CDC14B: variants seen among roughly 807,000 people sequenced by gnomAD.
The protein encoded by CDC14B is cell division cycle 14B.
In CDC14B, 22 loss-of-function variants were observed where a neutral mutation model predicts 64.2. That is an observed-to-expected ratio of 0.34 (90% confidence interval 0.24 to 0.49). The LOEUF (loss-of-function observed/expected upper bound fraction) is 0.49, where lower values mean the gene tolerates loss of function less well. Ranked by LOEUF, CDC14B falls within the 20% of genes least tolerant of loss-of-function variation. CDC14B has a pLI of 0.99. For synonymous variants in CDC14B, 191 were observed against 215.8 expected, an observed-to-expected ratio of 0.89 and a Z score of 1.01; for missense variants, 498 against 629.9, an observed-to-expected ratio of 0.79 and a Z score of 2.24.
rs1833529526 is a variant in CDC14B at position 96,501,105 on chromosome 9, TCTG to T, written c.*2645_*2647del. 2 of 152,310 alleles carry T rather than the reference TCTG, an allele frequency of 1.3e-5. No homozygotes were observed. Among genetic ancestry groups the T allele is most frequent in the South Asian group, 4.1e-4 (2 of 4,832 alleles). The allele number at this position is 152,310 out of a possible 1,614,324, so 9.4% of individuals were successfully genotyped here. A position where few individuals can be genotyped will look rare whatever the true frequency, so the allele number is the denominator to read the frequency against. ...GGAAGCACTGGCCACGCCAGGCCAT[TCTG>T]CTCTCACGAGGCGCTGCTCCTCACC... On this transcript the variant is annotated 3_prime_UTR_variant, in exon 14 of 14. Transcript: ENST00000375241.
chr9:96,555,341 A>T (rs564685283), intron 4 of CDC14B, among the ~76,000 whole-genome samples: 4 of 152,340 alleles, frequency 2.6e-5, no homozygotes, highest in South Asian at 4.1e-4. Flanking sequence ...GTGGTATGGA[A>T]GAGAGGCCTC....
chr9:96,551,486 A>G (rs1459679988), intron 5 of CDC14B, among the ~76,000 whole-genome samples: 1 of 151,948 alleles, frequency 6.6e-6, no homozygotes. Context: ...CCATCCCCCA[A>G]GGTCACTTAC....
chr9:96,523,469 G>GA lies in CDC14B; in HGVS notation c.1086-50dup, dbSNP rs771131223. On this transcript the variant is annotated intron_variant, in intron 10 of 13. Transcript: ENST00000375241. ...AATAGAGCTTTCCAGAAAGATACATGAACAACTTCTTCCTACCAGATTATC... is the reference window on the plus strand; with the variant it reads ...AATAGAGCTTTCCAGAAAGATACATGAAACAACTTCTTCCTACCAGATTATC... The GA allele has an allele frequency of 2.5e-6, 4 of 1,603,004 alleles. No individual in the cohort carries two copies. In the South Asian group the frequency reaches 4.4e-5, roughly 18 times the overall value.
chr9:96,570,251 A>C (rs1341660911), intron 1 of CDC14B, among the ~76,000 whole-genome samples: 1 of 152,236 alleles, frequency 6.6e-6, no homozygotes, highest in Non-Finnish European at 1.5e-5. Context: ...TAACAGCTAT[A>C]GGTATTTGGG....
chr9:96,541,222 C>T (rs970461608), intron 6 of CDC14B, among the ~76,000 whole-genome samples: 4 of 152,212 alleles, frequency 2.6e-5, no homozygotes, highest in African/African-American at 9.7e-5. Context: ...TCACGTAGAA[C>T]GTGATAGGGA....
intron 1 of CDC14B, among the ~76,000 whole-genome samples, chr9:96,580,350 G>C (rs966265590): frequency 5.3e-5 from 8 of 151,778 alleles, no homozygotes. Context: ...TCCTGCCTCA[G>C]CCTCCCGAGT....
chr9:96,560,350 AC>A (rs1842982807), intron 4 of CDC14B, among the ~76,000 whole-genome samples: 2 of 152,148 alleles, frequency 1.3e-5, no homozygotes, highest in Non-Finnish European at 2.9e-5. Flanking sequence ...AACGGTTGGA[AC>A]TTTTTTCTGT....
At chr9:96,617,720 C>T (rs1847719499) in intron 1 of CDC14B, among the ~76,000 whole-genome samples, 1 of 152,182 alleles carries the variant, frequency 6.6e-6, no homozygotes, top group Admixed American at 6.5e-5. Flanking sequence ...GAGAAGGACA[C>T]TTGGAGACTG....
chr9:96,547,588 G>C lies in CDC14B; in HGVS notation c.497+4208C>G, dbSNP rs568462349. Among the ~76,000 whole-genome samples the C allele has an allele frequency of 2.4e-4, 36 of 152,126 alleles. No individual in the cohort carries two copies. The South Asian group carries it at 6.0e-3, about 25-fold the overall frequency. On this transcript the variant is annotated intron_variant, in intron 5 of 13. Coordinates refer to ENST00000375241, the MANE Select transcript of CDC14B (RefSeq NM_033331.4). Reference sequence around the variant, plus strand: ...CCTGCCTTAGTCTCCCAAGTAGCTAGGACTACAGACACATGCCACCCTGCC... The same window carrying C: ...CCTGCCTTAGTCTCCCAAGTAGCTACGACTACAGACACATGCCACCCTGCC...
chr9:96,604,122 T>C (rs1846692951), intron 1 of CDC14B, among the ~76,000 whole-genome samples: 1 of 152,144 alleles, frequency 6.6e-6, no homozygotes, highest in Non-Finnish European at 1.5e-5. Context: ...CATGCTACAC[T>C]GGCAATGGCT....
chr9:96,528,953 G>A (rs1838006904), intron 9 of CDC14B, among the ~76,000 whole-genome samples: 1 of 152,126 alleles, frequency 6.6e-6, no homozygotes, highest in South Asian at 2.1e-4. Context: ...ACTGGGTTTT[G>A]TTGTTGTTTT....
chr9:96,580,883 A>G (rs1265263286), intron 1 of CDC14B, among the ~76,000 whole-genome samples: 3 of 152,228 alleles, frequency 2.0e-5, no homozygotes, highest in Non-Finnish European at 4.4e-5. Flanking sequence ...ATATATGTAA[A>G]CAGAATAAAT....
At position 96,568,871 on chromosome 9, in the gene CDC14B, C is replaced by T. The variant is rs1844310436; in HGVS notation, c.161-3388G>A. ...GGTGGAGGTTGCAGTGAGCCAAGAT[C>T]ACGCCTTTGCACTCCAGCCTGGGCA... is the stretch of plus-strand genomic sequence containing the variant. On this transcript the variant is annotated intron_variant, in intron 1 of 13. Coordinates refer to ENST00000375241, the MANE Select transcript of CDC14B (RefSeq NM_033331.4). 2.0e-5 allele frequency among the ~76,000 whole-genome samples: 3 copies of T among 151,442 alleles called. No homozygotes were observed. In the South Asian group the frequency reaches 6.2e-4, roughly 32 times the overall value.
chr9:96,535,737 A>G (rs1384410384), intron 7 of CDC14B, among the ~76,000 whole-genome samples: 1 of 138,170 alleles, frequency 7.2e-6, no homozygotes, highest in Non-Finnish European at 1.5e-5. Flanking sequence ...TACTGGACTT[A>G]ATGATCAACA....
At chr9:96,610,527 T>C (rs551999431) in intron 1 of CDC14B, among the ~76,000 whole-genome samples, 32 of 152,178 alleles carry the variant, frequency 2.1e-4, no homozygotes, top group African/African-American at 7.0e-4. Context: ...AAAAAGAATA[T>C]AGAAGCACTT....
chr9:96,618,795 G>A (rs912863864), intron 1 of CDC14B: 20 of 350,958 alleles, frequency 5.7e-5, no homozygotes, highest in Admixed American at 5.6e-4. Context: ...CAGCGCGCTC[G>A]GGGAATCCTC....
intron 4 of CDC14B, among the ~76,000 whole-genome samples, chr9:96,559,765 G>A (rs190469222): frequency 3.9e-5 from 6 of 152,194 alleles, no homozygotes; most frequent in South Asian, 2.1e-4. Context: ...TAATAAATGC[G>A]AGTGAAGATC....
intron 5 of CDC14B, among the ~76,000 whole-genome samples, chr9:96,550,279 T>C (rs939467906): frequency 1.3e-5 from 2 of 152,258 alleles, no homozygotes; most frequent in Middle Eastern, 3.2e-3. Flanking sequence ...AAAGGGATGA[T>C]ACTGGGTTCA....
chr9:96,598,433 T>C (rs1846223001), intron 1 of CDC14B, among the ~76,000 whole-genome samples: 1 of 152,110 alleles, frequency 6.6e-6, no homozygotes, highest in African/African-American at 2.4e-5. Flanking sequence ...ACCTCCTGGG[T>C]TCATGTCATT....
Sources: allele counts gnomAD v4.1 joint callset (sites outside exome capture counted in the v4.1 genomes callset), GRCh38; gene constraint gnomAD v4.1.1; transcripts MANE v1.5; gene names NCBI Gene and HGNC (gene_info 2026-07-23, HGNC 2026-07-21).